SI: variants seen among roughly 807,000 people sequenced by gnomAD.
SI encodes the protein sucrase-isomaltase.
Under a neutral mutation model 253.3 loss-of-function variants are expected in SI, and 235 were observed. The observed-to-expected ratio is 0.93, with a 90% CI of 0.83 to 1.03. The LOEUF (loss-of-function observed/expected upper bound fraction) is 1.03. Ranked by LOEUF, SI falls within the 50% of genes least tolerant of loss-of-function variation. SI has a pLI of 0.00. For synonymous variants in SI, 819 were observed against 712.0 expected, an observed-to-expected ratio of 1.15 and a Z score of -2.39; for missense variants, 2,442 against 2,211.1, an observed-to-expected ratio of 1.10 and a Z score of -2.09.
chr3:165,029,107 A>G (rs2108199159), intron 25 of SI, among the ~76,000 whole-genome samples: 1 of 151,566 alleles, frequency 6.6e-6, no homozygotes, highest in African/African-American at 2.4e-5. Flanking sequence ...CCCTTCAAAA[A>G]GTGGACTAAA....
intron 17 of SI, among the ~76,000 whole-genome samples, chr3:165,042,768 C>G (rs1009895237): frequency 6.6e-6 from 1 of 152,064 alleles, no homozygotes; most frequent in Non-Finnish European, 1.5e-5. Context: ...AGCTTTGGCT[C>G]TACTTTAAAA....
intron 34 of SI, among the ~76,000 whole-genome samples, chr3:165,011,781 T>C (rs1718783420): frequency 6.7e-6 from 1 of 148,920 alleles, no homozygotes; most frequent in South Asian, 2.1e-4. Context: ...TTATTTATTA[T>C]TATTATTTAT....
At chr3:165,011,511 C>T (rs1718764831) in intron 34 of SI, among the ~76,000 whole-genome samples, 1 of 152,060 alleles carries the variant, frequency 6.6e-6, no homozygotes, top group Non-Finnish European at 1.5e-5. Flanking sequence ...TAAGGCTTGT[C>T]TTGTGACTTA....
At chr3:165,057,573 A>G (rs1380896075) in intron 12 of SI, among the ~76,000 whole-genome samples, 1 of 152,018 alleles carries the variant, frequency 6.6e-6, no homozygotes, top group African/African-American at 2.4e-5. Context: ...TAAAGAAAGA[A>G]GGCAAAAAGC....
chr3:165,083,781 C>T, the SI span, among the ~76,000 whole-genome samples: 202 of 151,936 alleles, frequency 1.3e-3, no homozygotes, highest in Middle Eastern at 6.8e-3. Flanking sequence ...TTTTATGAAT[C>T]AGGAAACTAT....
rs544068080 is a variant in SI at position 165,072,313 on chromosome 3, A to T, written c.255+2218T>A. ...ATTTAAGATGATAAATAATTGCTTT[A>T]GTTGATCCGTTAAGATGGTGGAAAA... On this transcript the variant is annotated intron_variant, in intron 3 of 47. Coordinates refer to ENST00000264382, the MANE Select transcript of SI (RefSeq NM_001041.4). Among the ~76,000 whole-genome samples, 27 of 152,158 alleles carry T rather than the reference A, an allele frequency of 1.8e-4. No individual in the cohort carries two copies. In the South Asian group the frequency reaches 5.6e-3, roughly 32 times the overall value.
upstream of SI, among the ~76,000 whole-genome samples, chr3:165,080,388 GC>G (rs1479614869): frequency 6.6e-6 from 1 of 151,872 alleles, no homozygotes; most frequent in African/African-American, 2.4e-5. Flanking sequence ...TCAAGTAACA[GC>G]TTTTGTTCTC....
At position 165,033,443 on chromosome 3, in the gene SI, A is replaced by T. The variant is rs778760506; in HGVS notation, c.2517T>A (p.Asp839Glu). 29 of 1,537,718 alleles carry T rather than the reference A, an allele frequency of 1.9e-5. No homozygotes were observed. The highest frequency in any genetic ancestry group is 2.3e-5 in the Non-Finnish European group (26 of 1,138,322). Residue 839 changes from aspartate (D) to glutamate (E), a missense_variant and splice_region_variant, in exon 23 of 48, where the codon GAT (aspartate) becomes GAA (glutamate). Physicochemically the swap from Asp to Glu is conservative, Grantham distance 45. Transcript: ENST00000264382. ...DFFWDDGETK[D>E]TIQNGNYILY... ...ATATGTAGTTGCCATTTTGTATTGT[A>T]TCTGAAATGAAAAATATCGTGATCA...
intron 16 of SI, among the ~76,000 whole-genome samples, chr3:165,045,990 T>C (rs1188560818): frequency 6.6e-6 from 1 of 151,544 alleles, no homozygotes; most frequent in Non-Finnish European, 1.5e-5. Context: ...CCTGCCATCA[T>C]GCCCGTCTTT....
intron 26 of SI, among the ~76,000 whole-genome samples, chr3:165,022,202 AT>A (rs886394555): frequency 1.0e-3 from 158 of 151,346 alleles, no homozygotes; most frequent in African/African-American, 3.7e-3. Context: ...ATGTTTACCC[AT>A]TTTTTTGTCC....
the SI span, among the ~76,000 whole-genome samples, chr3:165,088,411 G>A: frequency 2.6e-5 from 4 of 151,848 alleles, no homozygotes; most frequent in African/African-American, 7.3e-5. Flanking sequence ...TTGGGAGGCC[G>A]AGGTGGGTGG....
chr3:165,015,854 T>C (rs1316004528), intron 32 of SI, 98 bp downstream of exon 32: 21 of 1,065,906 alleles, frequency 2.0e-5, no homozygotes, highest in Non-Finnish European at 3.0e-5. Context: ...CTCAAAGTTA[T>C]ATACTTTCTA....
At chr3:165,063,357 A>G (rs1330932897) in intron 8 of SI, 85 bp downstream of exon 8, 8 of 694,560 alleles carry the variant, frequency 1.2e-5, no homozygotes, top group East Asian at 5.4e-5. Context: ...ACTCTCACAT[A>G]CAATATGAAT....
At chr3:165,085,022 C>G in the SI span, among the ~76,000 whole-genome samples, 1 of 152,078 alleles carries the variant, frequency 6.6e-6, no homozygotes, top group East Asian at 1.9e-4. Flanking sequence ...ATCCTAAAAC[C>G]AGCTTAGAAA....
intron 41 of SI, among the ~76,000 whole-genome samples, 168 bp from the exon 42 acceptor site, chr3:164,992,565 T>A (rs185142707): frequency 5.5e-4 from 84 of 152,046 alleles, no homozygotes; most frequent in African/African-American, 2.0e-3. Context: ...AATAGTACAA[T>A]GCTCAGCAGT....
At chr3:165,005,772 G>T (rs918068545) in intron 37 of SI, among the ~76,000 whole-genome samples, 3 of 151,898 alleles carry the variant, frequency 2.0e-5, no homozygotes, top group Non-Finnish European at 4.4e-5. Context: ...TTTCAGACAG[G>T]TTCTTGTTTT....
chr3:164,988,881 T>C (rs952844803), intron 44 of SI, among the ~76,000 whole-genome samples: 19 of 151,964 alleles, frequency 1.3e-4, no homozygotes, highest in African/African-American at 4.3e-4. Flanking sequence ...CAGGTAGAGG[T>C]TCTCAGGCAA....
chr3:164,978,956 A>C lies in SI; in HGVS notation c.*406T>G, dbSNP rs139668641. ...AAATGCACATACTAAGAAGTAATTA[A>C]ATCTTCAAATAATTGTTGTTACATA... On this transcript the variant is annotated 3_prime_UTR_variant, in exon 48 of 48. Coordinates refer to ENST00000264382, the MANE Select transcript of SI (RefSeq NM_001041.4). 2.6e-5 allele frequency: 4 copies of C among 152,956 alleles called. 1 individual carries two copies. The highest frequency in any genetic ancestry group is 4.1e-4 in the South Asian group (2 of 4,908). 9.5% of individuals were successfully genotyped at this position (152,956 alleles called of 1,614,324 possible).
intron 22 of SI, 94 bp downstream of exon 22, chr3:165,036,295 C>T (rs1390722079): frequency 5.6e-5 from 45 of 806,454 alleles, no homozygotes; most frequent in African/African-American, 1.7e-4. Context: ...AATAAAAATT[C>T]GTGATATTTA....
Sources: allele counts gnomAD v4.1 joint callset (sites outside exome capture counted in the v4.1 genomes callset), GRCh38; gene constraint gnomAD v4.1.1; transcripts MANE v1.5; gene names NCBI Gene and HGNC (gene_info 2026-07-23, HGNC 2026-07-21).